GRM7: variants seen among roughly 807,000 people sequenced by gnomAD.
The protein encoded by GRM7 is metabotropic glutamate receptor 7.
Under a neutral mutation model 84.5 loss-of-function variants are expected in GRM7, and 35 were observed. That is an observed-to-expected ratio of 0.41 (90% CI 0.32 to 0.55). GRM7 has a LOEUF of 0.55. Among genes scored for constraint, GRM7 ranks in the 20% least tolerant of loss-of-function variants. GRM7 has a pLI of 0.19. For missense variants in GRM7, 1,003 were observed against 1,194.6 expected, an observed-to-expected ratio of 0.84 and a Z score of 2.36; for synonymous variants, 487 against 455.1, an observed-to-expected ratio of 1.07 and a Z score of -0.89.
In GRM7 at chr3:7,237,198, C is replaced by T. The variant is rs181619911; in HGVS notation, c.737-61486C>T. Among the ~76,000 whole-genome samples, 258 of 152,258 alleles carry T rather than the reference C, an allele frequency of 1.7e-3. 2 individuals are homozygous for T. Among genetic ancestry groups the T allele is most frequent in the African/African-American group, 5.9e-3 (247 of 41,562 alleles). On this transcript the variant is annotated intron_variant, in intron 2 of 9. Transcript: ENST00000357716. ...CAGAATTTGAGCACAAGTCAAAAGTCTATATTCTTTACCTTTTTCCATTTC... is the reference window on the plus strand; with the variant it reads ...CAGAATTTGAGCACAAGTCAAAAGTTTATATTCTTTACCTTTTTCCATTTC...
intron 4 of GRM7, among the ~76,000 whole-genome samples, chr3:7,339,175 T>G (rs1442001505): frequency 1.3e-5 from 2 of 152,082 alleles, no homozygotes; most frequent in Non-Finnish European, 2.9e-5. Flanking sequence ...TCTAGAGAAA[T>G]CCACTTTATC....
intron 1 of GRM7, among the ~76,000 whole-genome samples, chr3:6,930,588 A>G (rs532658309): frequency 6.6e-5 from 10 of 152,242 alleles, no homozygotes; most frequent in African/African-American, 2.4e-4. Context: ...TTATAAAGGC[A>G]CTCATTTTAG....
chr3:7,414,877 C>G (rs1203861226), intron 4 of GRM7, 146 bp from the exon 5 acceptor site: 2 of 569,198 alleles, frequency 3.5e-6, no homozygotes, highest in African/African-American at 3.9e-5. Flanking sequence ...ATTTTTCCTC[C>G]TTCTGTTAAT....
intron 8 of GRM7, among the ~76,000 whole-genome samples, chr3:7,599,609 T>C (rs1196779513): frequency 6.6e-6 from 1 of 152,174 alleles, no homozygotes; most frequent in East Asian, 1.9e-4. Context: ...GTCCACTCTA[T>C]AGCTAGTAAA....
At chr3:6,879,305 A>G (rs1172909337) in intron 1 of GRM7, among the ~76,000 whole-genome samples, 4 of 152,192 alleles carry the variant, frequency 2.6e-5, no homozygotes, top group Non-Finnish European at 4.4e-5. Context: ...TTATAATTGT[A>G]TTACATTTAT....
At chr3:7,004,144 T>A (rs139114312) in intron 1 of GRM7, among the ~76,000 whole-genome samples, 21 of 152,292 alleles carry the variant, frequency 1.4e-4, no homozygotes, top group African/African-American at 4.6e-4. Context: ...TCATACTCCA[T>A]CATTTATGCA....
chr3:7,229,816 A>T (rs1239928456), intron 2 of GRM7, among the ~76,000 whole-genome samples: 1 of 93,000 alleles, frequency 1.1e-5, no homozygotes, highest in Non-Finnish European at 2.1e-5. Flanking sequence ...TTCTGACTTT[A>T]TGGGTCAGCA....
intron 7 of GRM7, among the ~76,000 whole-genome samples, chr3:7,569,588 G>A (rs1328236984): frequency 6.6e-6 from 1 of 152,080 alleles, no homozygotes; most frequent in African/African-American, 2.4e-5. Flanking sequence ...CCACGCCGTG[G>A]AAGCTTTGTT....
chr3:7,146,533 C>A lies in GRM7; in HGVS notation c.601C>A (p.Pro201Thr), dbSNP rs768643294. ...TGACTTCTTCTCTCGCGTGGTGCCA[C>A]CCGATTCCTTCCAAGCCCAGGCCAT... Reference protein sequence around the residue: ...RYDFFSRVVPPDSFQAQAMVD... With the variant: ...RYDFFSRVVPTDSFQAQAMVD... The change falls in exon 2 of 10, where the codon CCC becomes ACC. Residue 201 changes from proline (P) to threonine (T), a missense_variant. By Grantham distance (38) the Pro-to-Thr change is conservative. Transcript: ENST00000357716. 6.2e-7 allele frequency: 1 copy of A among 1,613,880 alleles called. No individual in the cohort carries two copies. The highest frequency in any genetic ancestry group is 8.5e-7 in the Non-Finnish European group (1 of 1,179,962).
rs56250356 is a variant in GRM7 at position 7,726,613 on chromosome 3, C to CTATATA, written c.2699-13697_2699-13692dup. Reference sequence around the variant, plus strand: ...TCATTTTCTCCGTCTCTCTCTCCCTCTATATATATATATATATATATATAT... The same window carrying CTATATA: ...TCATTTTCTCCGTCTCTCTCTCCCTCTATATATATATATATATATATATATATATAT... On this transcript the variant is annotated intron_variant, in intron 9 of 9. Transcript: ENST00000357716. Among the ~76,000 whole-genome samples the CTATATA allele has an allele frequency of 5.2e-3, 303 of 57,952 alleles. 10 individuals are homozygous for CTATATA. The highest frequency in any genetic ancestry group is 6.3e-3 in the Non-Finnish European group (179 of 28,584). The allele number at this position is 57,952 out of a possible 152,430, so 38.0% of individuals were successfully genotyped here.
chr3:7,105,503 A>C (rs1311054665), intron 1 of GRM7, among the ~76,000 whole-genome samples: 1 of 151,922 alleles, frequency 6.6e-6, no homozygotes, highest in Non-Finnish European at 1.5e-5. Context: ...TAGTAGACTA[A>C]GTTGATCAGA....
chr3:7,731,114 C>T (rs1255699144), intron 9 of GRM7, among the ~76,000 whole-genome samples: 1 of 150,538 alleles, frequency 6.6e-6, no homozygotes, highest in East Asian at 1.9e-4. Context: ...CTAGAACGTT[C>T]ATGTACTCTT....
At chr3:7,401,376 T>C (rs1274005645) in intron 4 of GRM7, among the ~76,000 whole-genome samples, 4 of 152,134 alleles carry the variant, frequency 2.6e-5, no homozygotes, top group African/African-American at 4.8e-5. Flanking sequence ...CCACGTTTTG[T>C]TGTTGGAAAC....
chr3:7,280,281 TAC>T (rs1699210957), intron 2 of GRM7, among the ~76,000 whole-genome samples: 1 of 152,218 alleles, frequency 6.6e-6, no homozygotes, highest in South Asian at 2.1e-4. Context: ...CTGAAAACAG[TAC>T]ACCTGAGTTA....
chr3:7,700,375 TA>T (rs1701182017), intron 9 of GRM7, among the ~76,000 whole-genome samples: 1 of 152,164 alleles, frequency 6.6e-6, no homozygotes, highest in Admixed American at 6.5e-5. Context: ...GCTTGCATTG[TA>T]GTAAAGAAAA....
intron 2 of GRM7, among the ~76,000 whole-genome samples, chr3:7,224,144 G>T (rs1696901356): frequency 6.6e-6 from 1 of 152,084 alleles, no homozygotes; most frequent in Non-Finnish European, 1.5e-5. Context: ...AGGTTTATTT[G>T]ACTCACAGTT....
intron 4 of GRM7, among the ~76,000 whole-genome samples, chr3:7,334,256 C>A (rs758988235): frequency 6.6e-6 from 1 of 151,990 alleles, no homozygotes; most frequent in African/African-American, 2.4e-5. Context: ...GCAGATTTCT[C>A]GGCAGAAACC....
intron 9 of GRM7, among the ~76,000 whole-genome samples, chr3:7,717,351 G>T (rs892163509): frequency 6.6e-6 from 1 of 152,006 alleles, no homozygotes; most frequent in Non-Finnish European, 1.5e-5. Context: ...TGAAGTTTTA[G>T]AAAGCTAAAA....
At chr3:6,919,986 T>C (rs75900447) in intron 1 of GRM7, among the ~76,000 whole-genome samples, 7,320 of 152,176 alleles carry the variant, frequency 0.048, 196 homozygotes, top group African/African-American at 0.05. Context: ...ATGTTTGCCA[T>C]ACAATTTTTA....
Sources: gnomAD v4.1 joint callset for allele counts (sites outside exome capture counted in the v4.1 genomes callset) on GRCh38, gnomAD v4.1.1 for gene constraint, MANE v1.5 for transcripts, NCBI Gene and HGNC (gene_info 2026-07-23, HGNC 2026-07-21) for gene names.